Variants in FRMD4A observed in about 807,000 individuals in gnomAD.
FRMD4A encodes the protein FERM domain containing 4A.
A neutral mutation model predicts 129.1 loss-of-function variants in FRMD4A; 29 were observed. The observed-to-expected ratio is 0.22, with a 90% CI of 0.17 to 0.31. FRMD4A has a LOEUF of 0.31. Among genes scored for constraint, FRMD4A ranks in the 10% least tolerant of loss-of-function variants. The pLI is 1.00. For synonymous variants in FRMD4A, 634 were observed against 571.6 expected (o/e 1.11, Z -1.56); for missense variants, 1,272 against 1,375.8 (o/e 0.92, Z 1.19).
At chr10:13,755,370 A>C (rs77998239) in intron 8 of FRMD4A, among the ~76,000 whole-genome samples, 2,029 of 152,334 alleles carry the variant, frequency 0.013, 82 homozygotes, top group South Asian at 0.12. Context: ...ATTTCAAAGA[A>C]AGAAAGAGAA....
In FRMD4A at chr10:14,093,416, AG is replaced by A. The variant is rs1836767264; in HGVS notation, c.46-234505del. Among the ~76,000 whole-genome samples, 3 of 152,200 alleles carry A rather than the reference AG, an allele frequency of 2.0e-5. No homozygotes were observed. In the South Asian group the frequency reaches 6.2e-4, roughly 32 times the overall value. The stretch of plus-strand genomic sequence containing the variant: ...AACATTGAGTTTAAAAGGAAGAAAA[AG>A]GGTTCTTCCTGGTTGAGAAAGGGAG... On this transcript the variant is annotated intron_variant, in intron 2 of 24. Coordinates refer to ENST00000357447, the MANE Select transcript of FRMD4A (RefSeq NM_018027.5).
At chr10:14,142,988 A>T (rs1184124906) in intron 2 of FRMD4A, among the ~76,000 whole-genome samples, 3 of 151,400 alleles carry the variant, frequency 2.0e-5, no homozygotes, top group Middle Eastern at 3.2e-3. Flanking sequence ...TAAAAAAAAT[A>T]ACAAGTGTTG....
intron 5 of FRMD4A, among the ~76,000 whole-genome samples, chr10:13,783,329 T>A (rs1233548044): frequency 1.3e-5 from 2 of 152,264 alleles, no homozygotes; most frequent in Non-Finnish European, 2.9e-5. Context: ...TAATGTTATT[T>A]GTTTTCATCA....
chr10:13,707,776 T>A, intron 12 of FRMD4A: 1 of 985,412 alleles, frequency 1.0e-6, no homozygotes, highest in Non-Finnish European at 1.2e-6. Flanking sequence ...CCAAGAGTTC[T>A]GTCGCCCGGA....
chr10:13,676,280 TCAGA>T (rs1243303230), intron 15 of FRMD4A, among the ~76,000 whole-genome samples: 1 of 151,906 alleles, frequency 6.6e-6, no homozygotes, highest in African/African-American at 2.4e-5. Flanking sequence ...CTTTTTTTTT[TCAGA>T]CAGTTTCACT....
chr10:14,004,341 G>A (rs2095653857), intron 2 of FRMD4A, among the ~76,000 whole-genome samples: 1 of 152,266 alleles, frequency 6.6e-6, no homozygotes, highest in South Asian at 2.1e-4. Context: ...TCAGGAGTTC[G>A]AGACCAGCCT....
At chr10:14,133,482 C>T (rs531559777) in intron 2 of FRMD4A, among the ~76,000 whole-genome samples, 6 of 152,180 alleles carry the variant, frequency 3.9e-5, no homozygotes, top group Non-Finnish European at 8.8e-5. Flanking sequence ...GGCATCTCAA[C>T]AAGAAGCAGG....
chr10:14,185,709 T>G (rs888570327), intron 2 of FRMD4A, among the ~76,000 whole-genome samples: 1 of 152,140 alleles, frequency 6.6e-6, no homozygotes, highest in Admixed American at 6.5e-5. Flanking sequence ...CAGTGGCACC[T>G]TCAGTAGTTC....
At chr10:14,187,805 A>AT (rs1842195272) in intron 2 of FRMD4A, among the ~76,000 whole-genome samples, 13 of 152,224 alleles carry the variant, frequency 8.5e-5, no homozygotes, top group Non-Finnish European at 1.2e-4. Flanking sequence ...TAGACTTGGG[A>AT]AATTTGGTTT....
intron 2 of FRMD4A, among the ~76,000 whole-genome samples, chr10:13,996,511 C>T (rs2095623022): frequency 6.6e-6 from 1 of 152,176 alleles, no homozygotes; most frequent in Non-Finnish European, 1.5e-5. Context: ...GCTCCTGTAC[C>T]ACTTGTCTGC....
At chr10:13,733,837 C>T (rs1228484257) in intron 12 of FRMD4A, among the ~76,000 whole-genome samples, 5 of 152,220 alleles carry the variant, frequency 3.3e-5, no homozygotes, top group South Asian at 2.1e-4. Flanking sequence ...TGCATCTCAC[C>T]GTGATCGTCG....
chr10:14,007,956 G>T lies in FRMD4A; in HGVS notation c.46-149044C>A, dbSNP rs2095667820. The T allele has an allele frequency of 1.5e-5, 19 of 1,245,278 alleles. No homozygotes were observed. In the South Asian group the frequency reaches 2.4e-4, roughly 16 times the overall value. The allele number at this position is 1,245,278 out of a possible 1,614,324, so 77.1% of individuals were successfully genotyped here. On this transcript the variant is annotated intron_variant, in intron 2 of 24. Coordinates refer to ENST00000357447, the MANE Select transcript of FRMD4A (RefSeq NM_018027.5). Reference sequence around the variant, plus strand: ...TTCTACAGTCCCAGGAACTCCAACTGTTCAGGAAACGTGAGTAACAGAAGT... The same window carrying T: ...TTCTACAGTCCCAGGAACTCCAACTTTTCAGGAAACGTGAGTAACAGAAGT...
chr10:14,180,315 T>TG (rs1365256959), intron 2 of FRMD4A, among the ~76,000 whole-genome samples: 1 of 152,234 alleles, frequency 6.6e-6, no homozygotes, highest in Non-Finnish European at 1.5e-5. Context: ...TAGCATCATT[T>TG]GGTCCTGATT....
intron 12 of FRMD4A, among the ~76,000 whole-genome samples, chr10:13,737,437 C>A (rs993763980): frequency 6.6e-6 from 1 of 152,148 alleles, no homozygotes; most frequent in African/African-American, 2.4e-5. Context: ...TCTCCCACCT[C>A]CCCTGATCCT....
chr10:14,220,905 T>C (rs2131971480), intron 2 of FRMD4A, among the ~76,000 whole-genome samples: 1 of 151,836 alleles, frequency 6.6e-6, no homozygotes. Context: ...CTGTATTGAT[T>C]GGACTGAAGA....
At chr10:14,296,922 T>TGGCACAGAA (rs1846027814) in intron 2 of FRMD4A, among the ~76,000 whole-genome samples, 2 of 152,218 alleles carry the variant, frequency 1.3e-5, no homozygotes, top group African/African-American at 4.8e-5. Context: ...TCCTTCCTTC[T>TGGCACAGAA]GTGCCAGGGG....
intron 2 of FRMD4A, among the ~76,000 whole-genome samples, chr10:14,060,331 G>A (rs1250362432): frequency 6.6e-6 from 1 of 152,162 alleles, no homozygotes; most frequent in East Asian, 1.9e-4. Context: ...GAGGTTGGCT[G>A]GTGGGAACAC....
chr10:14,304,522 G>A (rs1768478788), intron 2 of FRMD4A, among the ~76,000 whole-genome samples: 1 of 152,198 alleles, frequency 6.6e-6, no homozygotes, highest in African/African-American at 2.4e-5. Context: ...CAGCATGAAT[G>A]CTAGTCTTAG....
At chr10:14,072,563 A>T (rs1835366483) in intron 2 of FRMD4A, among the ~76,000 whole-genome samples, 1 of 152,246 alleles carries the variant, frequency 6.6e-6, no homozygotes, top group South Asian at 2.1e-4. Flanking sequence ...CAAATTTGCC[A>T]TCCAGAACTG....
Sources: allele counts gnomAD v4.1 joint callset (sites outside exome capture counted in the v4.1 genomes callset), GRCh38; gene constraint gnomAD v4.1.1; transcripts MANE v1.5; gene names NCBI Gene and HGNC (gene_info 2026-07-23, HGNC 2026-07-21).